Variants in NBEA observed in about 807,000 individuals in gnomAD.
The protein encoded by NBEA is neurobeachin, also known as lysosomal-trafficking regulator 2.
In NBEA, 44 loss-of-function variants were observed where a neutral mutation model predicts 343.4. That is an observed-to-expected ratio of 0.13 (90% CI 0.10 to 0.16). The LOEUF (loss-of-function observed/expected upper bound fraction) is 0.16. Among genes scored for constraint, NBEA ranks in the 10% least tolerant of loss-of-function variants. The pLI is 1.00. For synonymous variants in NBEA, 1,175 were observed against 1,238.7 expected (o/e 0.95, Z 1.08); for missense variants, 2,555 against 3,631.3 (o/e 0.70, Z 7.62).
chr13:35,050,483 C>A, intron 6 of NBEA, 88 bp downstream of exon 6: 1 of 1,309,884 alleles, frequency 7.6e-7, no homozygotes, highest in Non-Finnish European at 1.0e-6. Context: ...TTCTCTTTCA[C>A]GGGTTTTCCT....
At chr13:35,465,866 AC>A (rs1387519197) in intron 40 of NBEA, among the ~76,000 whole-genome samples, 2 of 151,660 alleles carry the variant, frequency 1.3e-5, no homozygotes, top group Non-Finnish European at 2.9e-5. Context: ...ATAAAGAATT[AC>A]CTGCTCTACA....
chr13:35,595,803 C>T (rs2081766370), intron 47 of NBEA, among the ~76,000 whole-genome samples: 2 of 152,110 alleles, frequency 1.3e-5, no homozygotes, highest in Admixed American at 1.3e-4. Flanking sequence ...GTGCCCCCTA[C>T]ACCCATCATC....
Position 35,356,817 on chromosome 13 carries a change from C to T in NBEA, c.6179+4494C>T, listed in dbSNP as rs796792740. Reference sequence around the variant, plus strand: ...GTTTTGTATACAGGCCAAGCACTTCCTCCTTTTGTATGCTGTTCCTTCTGC... The same window carrying T: ...GTTTTGTATACAGGCCAAGCACTTCTTCCTTTTGTATGCTGTTCCTTCTGC... On this transcript the variant is annotated intron_variant, in intron 38 of 58. Coordinates refer to ENST00000379939, the MANE Select transcript of NBEA (RefSeq NM_001385012.1). Among the ~76,000 whole-genome samples, 80 of 152,248 alleles carry T rather than the reference C, an allele frequency of 5.3e-4. 1 individual carries two copies. The highest frequency in any genetic ancestry group is 1.8e-3 in the African/African-American group (75 of 41,564).
At chr13:35,404,313 T>C (rs2152909907) in intron 38 of NBEA, among the ~76,000 whole-genome samples, 1 of 152,064 alleles carries the variant, frequency 6.6e-6, no homozygotes, top group Non-Finnish European at 1.5e-5. Flanking sequence ...CGTATGTTTA[T>C]TGTGGCACTA....
Position 35,452,141 on chromosome 13 carries a change from A to G in NBEA, c.6354A>G (p.Ala2118=). ...VKSKKTFRSQ[A]IVNQNAETEL... is the part of the protein sequence containing the mutation. ...CAAAGAAAACATTCAGAAGTCAAGC[A>G]ATAGTGAACCAAAATGCAGAGACAG... The change falls in exon 40 of 59, where the codon GCA becomes GCG. Residue 2118 remains alanine, a synonymous_variant. Transcript: ENST00000379939. The G allele has an allele frequency of 6.2e-7, 1 of 1,612,522 alleles. No individual in the cohort carries two copies. The highest frequency in any genetic ancestry group is 1.7e-5 in the Admixed American group (1 of 59,942).
intron 36 of NBEA, among the ~76,000 whole-genome samples, chr13:35,345,048 A>T (rs1472477451): frequency 6.6e-6 from 1 of 152,120 alleles, no homozygotes; most frequent in Non-Finnish European, 1.5e-5. Flanking sequence ...GGCAAACTGG[A>T]AGACGGTGAT....
intron 38 of NBEA, among the ~76,000 whole-genome samples, chr13:35,380,271 C>G (rs975893178): frequency 3.3e-5 from 5 of 151,844 alleles, no homozygotes; most frequent in African/African-American, 9.7e-5. Context: ...ATGGTGAAAC[C>G]CTATCCCTAC....
intron 1 of NBEA, among the ~76,000 whole-genome samples, chr13:35,012,154 C>A (rs1207584130): frequency 6.6e-6 from 1 of 152,124 alleles, no homozygotes; most frequent in Non-Finnish European, 1.5e-5. Context: ...TGGTAATGAA[C>A]AGAAATTTAT....
At chr13:35,030,077 G>A (rs2062151891) in intron 1 of NBEA, among the ~76,000 whole-genome samples, 2 of 151,590 alleles carry the variant, frequency 1.3e-5, no homozygotes, top group South Asian at 4.2e-4. Context: ...TTTTATATAT[G>A]GTCACAGTGA....
chr13:35,330,268 A>G (rs2038846061), intron 36 of NBEA, among the ~76,000 whole-genome samples: 1 of 152,082 alleles, frequency 6.6e-6, no homozygotes, highest in African/African-American at 2.4e-5. Flanking sequence ...TAGCCTATTA[A>G]GTAATCAGTT....
rs1441944323 is a variant in NBEA, at chr13:35,646,282, C to T, written c.7704C>T (p.Asn2568=). The T allele has an allele frequency of 2.5e-6, 4 of 1,613,536 alleles. No homozygotes were observed. The African/African-American group carries it at 4.0e-5, about 16-fold the overall frequency. The change falls in exon 51 of 59, where the codon AAC becomes AAT. Residue 2568 remains asparagine (N), a synonymous_variant. Coordinates refer to ENST00000379939, the MANE Select transcript of NBEA (RefSeq NM_001385012.1). The part of the protein sequence containing the change: ...FIKAMEAQIQ[N]FGQTPSQLLI... ...AGGCCATGGAGGCACAGATACAGAACTTTGGACAGACGCCATCTCAGTTGC... is the reference window on the plus strand; with the variant it reads ...AGGCCATGGAGGCACAGATACAGAATTTTGGACAGACGCCATCTCAGTTGC...
At chr13:35,078,340 A>T (rs1428918815) in intron 10 of NBEA, among the ~76,000 whole-genome samples, 1 of 152,212 alleles carries the variant, frequency 6.6e-6, no homozygotes, top group African/African-American at 2.4e-5. Flanking sequence ...TCATAAAACA[A>T]CAAAAGTTAA....
intron 38 of NBEA, among the ~76,000 whole-genome samples, chr13:35,384,074 C>A (rs2042127459): frequency 6.6e-6 from 1 of 152,034 alleles, no homozygotes; most frequent in South Asian, 2.1e-4. Context: ...GAAAGAGATT[C>A]TAATACCAAG....
Position 35,309,516 on chromosome 13 carries a change from T to G in NBEA, c.5839-12T>G. 6.4e-7 allele frequency: 1 copy of G among 1,567,378 alleles called. No homozygotes were observed. Among genetic ancestry groups the G allele is most frequent in the Non-Finnish European group, 8.7e-7 (1 of 1,152,338 alleles). ...TCACTTTTCTCACGTTTGTTTTGGT[T>G]TCTCCTTTTAGGAATGGCAAAACTC... On this transcript the variant is annotated splice_polypyrimidine_tract_variant and intron_variant, in intron 35 of 58. Coordinates refer to ENST00000379939, the MANE Select transcript of NBEA (RefSeq NM_001385012.1).
intron 45 of NBEA, among the ~76,000 whole-genome samples, chr13:35,576,780 T>C (rs140030879): frequency 1.2e-3 from 182 of 152,330 alleles, no homozygotes; most frequent in African/African-American, 4.0e-3. Context: ...TTTATACTGA[T>C]TTATTTGCCA....
intron 34 of NBEA, among the ~76,000 whole-genome samples, chr13:35,289,264 A>G (rs867037777): frequency 2.6e-5 from 4 of 151,886 alleles, no homozygotes; most frequent in Admixed American, 6.6e-5. Flanking sequence ...TACTAATTAC[A>G]TTTATCATCA....
At chr13:35,492,020 G>A (rs1211305744) in intron 41 of NBEA, among the ~76,000 whole-genome samples, 1 of 152,000 alleles carries the variant, frequency 6.6e-6, no homozygotes, top group Non-Finnish European at 1.5e-5. Flanking sequence ...TAAATCGGAG[G>A]TGGAAAGTGA....
intron 47 of NBEA, among the ~76,000 whole-genome samples, chr13:35,605,505 A>T (rs986557798): frequency 2.6e-5 from 4 of 152,186 alleles, no homozygotes; most frequent in African/African-American, 7.2e-5. Context: ...ATCAATGTTG[A>T]TCATATTACA....
chr13:35,350,153 T>G (rs2040108643), intron 37 of NBEA, among the ~76,000 whole-genome samples: 1 of 152,166 alleles, frequency 6.6e-6, no homozygotes, highest in South Asian at 2.1e-4. Context: ...TTGAGTCTCT[T>G]GTATTTCCAC....
Sources: gnomAD v4.1 joint callset for allele counts (sites outside exome capture counted in the v4.1 genomes callset) on GRCh38, gnomAD v4.1.1 for gene constraint, MANE v1.5 for transcripts, NCBI Gene and HGNC (gene_info 2026-07-23, HGNC 2026-07-21) for gene names.